INPP5A: variants seen among roughly 807,000 people sequenced by gnomAD.
The protein encoded by INPP5A is 43 kDa inositol polyphosphate 5-phophatase.
In INPP5A, 14 loss-of-function variants were observed where a neutral mutation model predicts 65.2. That is an observed-to-expected ratio of 0.21 (90% confidence interval 0.14 to 0.34). The LOEUF is 0.34. Among genes scored for constraint, INPP5A ranks in the 10% least tolerant of loss-of-function variants. The pLI, the probability that INPP5A is intolerant of heterozygous loss-of-function variation, is 1.00. For synonymous variants in INPP5A, 207 were observed against 208.3 expected (o/e 0.99, Z 0.05); for missense variants, 431 against 545.6 (o/e 0.79, Z 2.09).
At chr10:132,737,596 C>A (rs1258337236) in intron 9 of INPP5A, among the ~76,000 whole-genome samples, 2 of 152,332 alleles carry the variant, frequency 1.3e-5, no homozygotes, top group Non-Finnish European at 2.9e-5. Flanking sequence ...CCAGTGGCAG[C>A]CTCTCTGCCC....
chr10:132,777,097 G>T (rs866407192), intron 12 of INPP5A, among the ~76,000 whole-genome samples: 7 of 152,274 alleles, frequency 4.6e-5, no homozygotes, highest in African/African-American at 1.7e-4. Context: ...TCCCAGACCC[G>T]CAGAGGGCGT....
At chr10:132,645,456 G>T (rs1361363992) in intron 2 of INPP5A, among the ~76,000 whole-genome samples, 1 of 152,232 alleles carries the variant, frequency 6.6e-6, no homozygotes, top group African/African-American at 2.4e-5. Flanking sequence ...GTATGCACAC[G>T]TGTGCACCCT....
chr10:132,742,148 G>A lies in INPP5A; in HGVS notation c.733-7369G>A, dbSNP rs138139479. Among the ~76,000 whole-genome samples, 178 of 152,360 alleles carry A rather than the reference G, an allele frequency of 1.2e-3. 1 individual carries two copies. In the East Asian group the frequency reaches 0.026, roughly 22 times the overall value. On this transcript the variant is annotated intron_variant, in intron 9 of 15. Transcript: ENST00000368594. ...GAGCCACGCTGCATCAGATAGGGCC[G>A]AGGAGAGATGGCGAAGTGCTCCTCA...
Position 132,675,562 on chromosome 10 carries a change from C to T in INPP5A, c.307-14830C>T, listed in dbSNP as rs897285548. ...TGGGGGTGGGTGCGTGTGGAGTGAG[C>T]GTTCCAGGGGCCTTGCCGTGCCCGG... On this transcript the variant is annotated intron_variant, in intron 4 of 15. Coordinates refer to ENST00000368594, the MANE Select transcript of INPP5A (RefSeq NM_005539.5). The surrounding 1 kb of genome is among the most constrained non-coding windows in gnomAD (Gnocchi z 4.2). Among the ~76,000 whole-genome samples, 2 of 152,132 alleles carry T rather than the reference C, an allele frequency of 1.3e-5. No homozygotes were observed. The highest frequency in any genetic ancestry group is 2.9e-5 in the Non-Finnish European group (2 of 68,020).
intron 2 of INPP5A, among the ~76,000 whole-genome samples, chr10:132,630,852 C>T (rs1341086770): frequency 3.3e-5 from 5 of 152,160 alleles, no homozygotes; most frequent in Admixed American, 2.0e-4. Flanking sequence ...GTGGGAGCTT[C>T]GATGGCCCAA....
intron 1 of INPP5A, among the ~76,000 whole-genome samples, chr10:132,573,662 G>A (rs2071379418): frequency 9.7e-6 from 1 of 103,522 alleles, no homozygotes; most frequent in African/African-American, 4.4e-5. Context: ...TGGGGTGTGC[G>A]TGCCGTGTGA....
At chr10:132,744,933 G>A (rs192332259) in intron 9 of INPP5A, among the ~76,000 whole-genome samples, 71 of 152,344 alleles carry the variant, frequency 4.7e-4, no homozygotes, top group Admixed American at 1.5e-3. Flanking sequence ...TGTCCCTCCC[G>A]AAAGTGCTGT....
intron 1 of INPP5A, among the ~76,000 whole-genome samples, chr10:132,563,314 C>T (rs1358642183): frequency 2.6e-5 from 4 of 152,084 alleles, no homozygotes; most frequent in East Asian, 1.9e-4. Context: ...GTGGGGTCTC[C>T]GGGGCCGAGC....
chr10:132,665,192 G>T (rs1183213217), intron 4 of INPP5A, among the ~76,000 whole-genome samples: 1 of 152,198 alleles, frequency 6.6e-6, no homozygotes, highest in Non-Finnish European at 1.5e-5. Context: ...CCAAAGAAGG[G>T]GGACAGACGG....
At position 132,780,925 on chromosome 10, in the gene INPP5A, A is replaced by G; in HGVS notation, c.1158+8A>G. On this transcript the variant is annotated splice_region_variant and intron_variant, in intron 14 of 15. Transcript: ENST00000368594. Reference sequence around the variant, plus strand: ...TGCATGGGAGACCACAAGGTGACATAGACTGAGGTCCAGGGGCCAGGCTGG... The same window carrying G: ...TGCATGGGAGACCACAAGGTGACATGGACTGAGGTCCAGGGGCCAGGCTGG... 6.8e-7 allele frequency: 1 copy of G among 1,480,950 alleles called. No homozygotes were observed. The highest frequency in any genetic ancestry group is 1.1e-5 in the South Asian group (1 of 89,246). 91.7% of individuals were successfully genotyped at this position (1,480,950 alleles called of 1,614,324 possible).
Position 132,782,215 on chromosome 10 carries a change from C to A in INPP5A, c.*186C>A. The A allele has an allele frequency of 4.2e-6, 3 of 722,688 alleles. No individual in the cohort carries two copies. Among genetic ancestry groups the A allele is most frequent in the Non-Finnish European group, 6.8e-6 (3 of 438,762 alleles). 44.8% of individuals were successfully genotyped at this position (722,688 alleles called of 1,614,324 possible). A position where few individuals can be genotyped will look rare whatever the true frequency, so the allele number is the denominator to read the frequency against. On this transcript the variant is annotated 3_prime_UTR_variant, in exon 16 of 16. Coordinates refer to ENST00000368594, the MANE Select transcript of INPP5A (RefSeq NM_005539.5). This position sits in a 1 kb window ranked among gnomAD's most constrained non-coding sequence, Gnocchi z 4.4. ...GGAGCAGCCTCACATACCTCACTGT[C>A]TCGTCTGTCTATGTGACATTAAGTA...
chr10:132,645,756 C>G, intron 2 of INPP5A, 112 bp from the exon 3 acceptor site: 1 of 774,018 alleles, frequency 1.3e-6, no homozygotes, highest in Non-Finnish European at 2.1e-6. Context: ...GGGGCCCCGT[C>G]TCTGCCAGAC....
intron 6 of INPP5A, among the ~76,000 whole-genome samples, chr10:132,701,118 C>A (rs956709454): frequency 1.3e-5 from 2 of 152,232 alleles, no homozygotes; most frequent in Non-Finnish European, 2.9e-5. Flanking sequence ...CGCAGCCTCT[C>A]TTTTCTCCGT....
chr10:132,768,546 C>T (rs547055708), intron 12 of INPP5A, among the ~76,000 whole-genome samples: 6 of 152,352 alleles, frequency 3.9e-5, no homozygotes, highest in South Asian at 2.1e-4. Flanking sequence ...GTGCCAGGCT[C>T]GTCCACCTGC....
intron 11 of INPP5A, among the ~76,000 whole-genome samples, chr10:132,761,086 C>T (rs571950841): frequency 2.0e-5 from 3 of 152,172 alleles, no homozygotes; most frequent in Non-Finnish European, 4.4e-5. Flanking sequence ...GTGCTGGGAC[C>T]GCCAGGCTTC....
intron 12 of INPP5A, among the ~76,000 whole-genome samples, chr10:132,771,736 C>T (rs1452201489): frequency 1.4e-5 from 1 of 71,364 alleles, no homozygotes; most frequent in African/African-American, 3.9e-5. Flanking sequence ...AGACACTCAG[C>T]ACTGACACAG....
At chr10:132,701,908 G>A (rs374646492) in intron 6 of INPP5A, among the ~76,000 whole-genome samples, 8 of 152,362 alleles carry the variant, frequency 5.3e-5, no homozygotes, top group Middle Eastern at 3.4e-3. Context: ...CAGTTTCCTC[G>A]CTGGGGAAAT....
intron 12 of INPP5A, among the ~76,000 whole-genome samples, 153 bp downstream of exon 12, chr10:132,765,999 C>G (rs1846835746): frequency 6.6e-6 from 1 of 152,184 alleles, no homozygotes; most frequent in Non-Finnish European, 1.5e-5. Flanking sequence ...TGTACCATAC[C>G]TGTGTGTACA....
chr10:132,579,604 C>T lies in INPP5A; in HGVS notation c.76-28311C>T, dbSNP rs185192642. On this transcript the variant is annotated intron_variant, in intron 1 of 15. Transcript: ENST00000368594. ...ATTCTCCAGAAGCTCTGTGCTTCTG[C>T]GGCTGGCTCCAGCCTTGCCCTGCGG... Among the ~76,000 whole-genome samples the T allele has an allele frequency of 2.1e-4, 32 of 152,262 alleles. 1 individual carries two copies. The East Asian group carries it at 4.1e-3, about 19-fold the overall frequency.
Sources: allele counts gnomAD v4.1 joint callset (sites outside exome capture counted in the v4.1 genomes callset), GRCh38; gene constraint gnomAD v4.1.1; non-coding constraint Gnocchi (gnomAD v3.1); transcripts MANE v1.5; gene names NCBI Gene and HGNC (gene_info 2026-07-23, HGNC 2026-07-21).